XIRP2: variants seen among roughly 807,000 people sequenced by gnomAD.
XIRP2 encodes xin actin binding repeat containing 2, also known as xin actin-binding repeat-containing protein 2.
Under a neutral mutation model 277.0 loss-of-function variants are expected in XIRP2, and 236 were observed. The ratio of observed to expected loss-of-function variants is 0.85; its 90% confidence interval spans 0.77 to 0.95. The LOEUF is 0.95. XIRP2 is among the 40% of genes least tolerant of loss of function. XIRP2 has a pLI of 0.00. For missense variants in XIRP2, 4,640 were observed against 4,157.5 expected, an observed-to-expected ratio of 1.12 and a Z score of -3.19; for synonymous variants, 1,490 against 1,416.5, an observed-to-expected ratio of 1.05 and a Z score of -1.17.
At chr2:167,187,562 C>T (rs1412935765) in intron 3 of XIRP2, 1 of 984,274 alleles carries the variant, frequency 1.0e-6, no homozygotes, top group Non-Finnish European at 1.2e-6. Context: ...GACTATATGT[C>T]TGCTTCCTGG....
chr2:166,997,517 G>A (rs57554655), intron 2 of XIRP2, among the ~76,000 whole-genome samples: 6,350 of 152,170 alleles, frequency 0.042, 174 homozygotes, highest in East Asian at 0.079. Context: ...TCTCCTCAAT[G>A]AATGTAAATT....
chr2:166,932,846 G>A (rs914510158), intron 2 of XIRP2, among the ~76,000 whole-genome samples: 9 of 152,000 alleles, frequency 5.9e-5, no homozygotes, highest in African/African-American at 2.2e-4. Flanking sequence ...TCAAAAATAA[G>A]TTTACCTCTA....
chr2:167,085,105 CT>C (rs1209608842), intron 2 of XIRP2, among the ~76,000 whole-genome samples: 5 of 146,012 alleles, frequency 3.4e-5, no homozygotes, highest in Non-Finnish European at 7.6e-5. Context: ...CCTCTACACA[CT>C]GCTTTGAATG....
chr2:167,005,973 ACTCTTGGCACAATCATAACTTTGGAAGT>A (rs1243037039), intron 2 of XIRP2, among the ~76,000 whole-genome samples: 3 of 151,622 alleles, frequency 2.0e-5, no homozygotes, highest in Non-Finnish European at 4.4e-5. Flanking sequence ...CAGAATCATA[ACTCTTGGCACAATCATAACTTTGGAAGT>A]CTTTATGTGA....
At chr2:167,182,083 A>G (rs1168669978) in intron 3 of XIRP2, among the ~76,000 whole-genome samples, 3 of 152,198 alleles carry the variant, frequency 2.0e-5, no homozygotes, top group Non-Finnish European at 4.4e-5. Flanking sequence ...ATACCATGAT[A>G]TAATTTTAAT....
chr2:167,125,397 A>G (rs1476717170), intron 2 of XIRP2, among the ~76,000 whole-genome samples: 1 of 152,190 alleles, frequency 6.6e-6, no homozygotes, highest in African/African-American at 2.4e-5. Flanking sequence ...AATAAATTAC[A>G]GTAGGGAAAC....
intron 5 of XIRP2, among the ~76,000 whole-genome samples, chr2:167,234,924 CAT>C (rs1272776025): frequency 6.6e-6 from 1 of 151,884 alleles, no homozygotes; most frequent in Non-Finnish European, 1.5e-5. Context: ...TCCTTGACAA[CAT>C]GTCAAATCCA....
intron 2 of XIRP2, among the ~76,000 whole-genome samples, chr2:166,953,466 A>G (rs1195741593): frequency 6.6e-6 from 1 of 151,904 alleles, no homozygotes; most frequent in African/African-American, 2.4e-5. Flanking sequence ...TTCCACCATG[A>G]GTGTCTGGTA....
At chr2:167,052,274 A>C (rs1479626037) in intron 2 of XIRP2, among the ~76,000 whole-genome samples, 1 of 133,586 alleles carries the variant, frequency 7.5e-6, no homozygotes, top group African/African-American at 3.2e-5. Flanking sequence ...TTTTATATTA[A>C]ATTATTGTTA....
At chr2:167,214,226 G>GAGGGAGGAAGGAAGGA (rs1323240476) in intron 4 of XIRP2, among the ~76,000 whole-genome samples, 4 of 67,294 alleles carry the variant, frequency 5.9e-5, no homozygotes, top group Admixed American at 2.9e-4. Context: ...GGGAGGGAGG[G>GAGGGAGGAAGGAAGGA]AGGAAGGAAG....
intron 2 of XIRP2, among the ~76,000 whole-genome samples, chr2:167,051,158 C>T (rs765394393): frequency 4.1e-4 from 63 of 152,108 alleles, no homozygotes; most frequent in Admixed American, 1.3e-3. Flanking sequence ...TTCTTCTACC[C>T]GCTACTGTGA....
chr2:167,097,258 T>G (rs979806470), intron 2 of XIRP2, among the ~76,000 whole-genome samples: 17 of 152,220 alleles, frequency 1.1e-4, no homozygotes, highest in Admixed American at 2.6e-4. Context: ...TTTGGGATAG[T>G]TAGCTCTTCT....
Position 167,251,659 on chromosome 2 carries a change from G to A in XIRP2, c.10267G>A (p.Asp3423Asn). 6.2e-7 allele frequency: 1 copy of A among 1,613,398 alleles called. No homozygotes were observed. Among genetic ancestry groups the A allele is most frequent in the Non-Finnish European group, 8.5e-7 (1 of 1,179,638 alleles). ...TCTAAGTGAACATTTCTCAGGCATGGATGCATTTGAGAGTCAAATTGTTGA... is the reference window on the plus strand; with the variant it reads ...TCTAAGTGAACATTTCTCAGGCATGAATGCATTTGAGAGTCAAATTGTTGA... The part of the protein sequence containing the change: ...RSLSEHFSGM[D>N]AFESQIVESK... The change falls in exon 9 of 11, where the codon GAT (aspartate) becomes AAT (asparagine). Residue 3423 changes from aspartate (D) to asparagine (N), a missense_variant. By Grantham distance (23) the Asp-to-Asn change is conservative (BLOSUM62 1). Transcript: ENST00000409195.
chr2:167,106,362 AGTTT>A (rs1313720090), intron 2 of XIRP2, among the ~76,000 whole-genome samples: 1 of 151,670 alleles, frequency 6.6e-6, no homozygotes, highest in Non-Finnish European at 1.5e-5. Context: ...GTTTAACTAG[AGTTT>A]GTTTGTTTCT....
intron 2 of XIRP2, among the ~76,000 whole-genome samples, chr2:167,068,107 T>G (rs1396940567): frequency 6.6e-6 from 1 of 152,218 alleles, no homozygotes; most frequent in African/African-American, 2.4e-5. Flanking sequence ...CCTTTTTTAT[T>G]TGCAATTGAA....
intron 2 of XIRP2, among the ~76,000 whole-genome samples, chr2:167,068,618 C>G (rs200370835): frequency 1.4e-5 from 2 of 140,210 alleles, no homozygotes; most frequent in Non-Finnish European, 3.0e-5. Context: ...TTTTTTTTTT[C>G]CTTTTTTAAA....
In XIRP2 at chr2:167,251,031, A is replaced by C; in HGVS notation, c.9639A>C (p.Glu3213Asp). 2 of 1,613,678 alleles carry C rather than the reference A, an allele frequency of 1.2e-6. No individual in the cohort carries two copies. The highest frequency in any genetic ancestry group is 2.2e-5 in the South Asian group (2 of 91,084). Reference sequence around the variant, plus strand: ...TTCCAATTGTAGAGAAGAGGTCTGAAATCATCATGTCTCCTGCAACACTTC... The same window carrying C: ...TTCCAATTGTAGAGAAGAGGTCTGACATCATCATGTCTCCTGCAACACTTC... ...TPVPIVEKRSEIIMSPATLRR... is the reference protein window; with the variant it reads ...TPVPIVEKRSDIIMSPATLRR... The change falls in exon 9 of 11, where the codon GAA becomes GAC. Residue 3213 changes from glutamate (E) to aspartate (D), a missense_variant. Transcript: ENST00000409195.
At chr2:167,128,357 A>G (rs1194845499) in intron 2 of XIRP2, among the ~76,000 whole-genome samples, 1 of 152,180 alleles carries the variant, frequency 6.6e-6, no homozygotes, top group Non-Finnish European at 1.5e-5. Flanking sequence ...GTGTGCGTCC[A>G]CTTACATGCA....
In XIRP2 at chr2:167,250,534, A is replaced by C; in HGVS notation, c.9142A>C (p.Ser3048Arg). 2 of 1,613,656 alleles carry C rather than the reference A, an allele frequency of 1.2e-6. No individual in the cohort carries two copies. The highest frequency in any genetic ancestry group is 1.7e-6 in the Non-Finnish European group (2 of 1,179,694). The change falls in exon 9 of 11, where the codon AGT becomes CGT. Residue 3048 changes from serine to arginine, a missense_variant. Ser to Arg is a moderately radical substitution (Grantham distance 110). Coordinates refer to ENST00000409195, the MANE Select transcript of XIRP2 (RefSeq NM_152381.6). ...KTGKPGNKPT[S>R]LDETSSKVSN... ...AGGAAAACCGGGAAATAAACCCACTAGTCTTGATGAAACATCATCCAAAGT... is the reference window on the plus strand; with the variant it reads ...AGGAAAACCGGGAAATAAACCCACTCGTCTTGATGAAACATCATCCAAAGT...
Sources: allele counts gnomAD v4.1 joint callset (sites outside exome capture counted in the v4.1 genomes callset), GRCh38; gene constraint gnomAD v4.1.1; transcripts MANE v1.5; gene names NCBI Gene and HGNC (gene_info 2026-07-23, HGNC 2026-07-21).